MASP1: variants seen among roughly 807,000 people sequenced by gnomAD.
The protein encoded by MASP1 is mannan-binding lectin serine protease 1.
Under a neutral mutation model 77.1 loss-of-function variants are expected in MASP1, and 59 were observed. That is an observed-to-expected ratio of 0.77 (90% CI 0.62 to 0.95). MASP1 has a LOEUF of 0.95. Among genes scored for constraint, MASP1 ranks in the 40% least tolerant of loss-of-function variants. The pLI is 0.00. For missense variants in MASP1, 885 were observed against 912.9 expected, an observed-to-expected ratio of 0.97 and a Z score of 0.39; for synonymous variants, 362 against 354.5, an observed-to-expected ratio of 1.02 and a Z score of -0.24.
intron 1 of MASP1, among the ~76,000 whole-genome samples, chr3:187,290,324 G>C (rs1291690953): frequency 6.6e-6 from 1 of 152,122 alleles, no homozygotes; most frequent in East Asian, 1.9e-4. Context: ...AAAGAAGAAG[G>C]TTGCTCCAGG....
chr3:187,263,125 T>C (rs546303197), intron 2 of MASP1: 142 of 253,906 alleles, frequency 5.6e-4, no homozygotes, highest in African/African-American at 3.1e-3. Context: ...GTATCCAGTG[T>C]GTGCCTACTG....
exon 16 of MASP1, chr3:187,218,596 T>C (rs1160983158): frequency 2.0e-5 from 3 of 152,254 alleles, no homozygotes; most frequent in Admixed American, 6.6e-5. Context: ...TTAATATATA[T>C]ATATATATGT....
chr3:187,291,341 A>G (rs1718312799), intron 1 of MASP1: 2 of 531,136 alleles, frequency 3.8e-6, no homozygotes, highest in African/African-American at 3.8e-5. Context: ...ATTCGCCAGC[A>G]GGCAGCACCC....
At chr3:187,221,153 A>G in intron 14 of MASP1, 1 of 1,588,704 alleles carries the variant, frequency 6.3e-7, no homozygotes, top group Non-Finnish European at 8.6e-7. Flanking sequence ...CAAAGCTGTT[A>G]TTGGTCCTCA....
At chr3:187,265,620 A>G (rs1164779428) in intron 2 of MASP1, among the ~76,000 whole-genome samples, 1 of 152,122 alleles carries the variant, frequency 6.6e-6, no homozygotes, top group Non-Finnish European at 1.5e-5. Flanking sequence ...GCTGGGCGGG[A>G]CCTTTAAGAG....
At chr3:187,226,317 G>A in intron 12 of MASP1, 3 of 942,908 alleles carry the variant, frequency 3.2e-6, no homozygotes, top group Non-Finnish European at 5.1e-6. Context: ...GTGAGCGAGT[G>A]AGTGAGCAGA....
chr3:187,235,692 C>T lies in MASP1; in HGVS notation c.2179G>A (p.Glu727Lys), dbSNP rs562091536. Residue 727 changes from glutamate to lysine, a missense_variant, in exon 11 of 11, where the codon GAA becomes AAA. Physicochemically the swap from Glu to Lys is moderately conservative, Grantham distance 56 (BLOSUM62 1). Transcript: ENST00000296280. ...CGAGGAAGTAAGTCAGCTCACCGTT[C>T]CACCTGGGGCTCCACAACACTTTGT... is the stretch of plus-strand genomic sequence containing the variant. The part of the protein sequence containing the change: ...LPQSVVEPQV[E>K]R 471 of 1,614,158 alleles carry T rather than the reference C, an allele frequency of 2.9e-4. 13 individuals carry two copies. The South Asian group carries it at 4.9e-3, about 17-fold the overall frequency.
intron 15 of MASP1, among the ~76,000 whole-genome samples, chr3:187,220,484 TCTTTTTTCTTTC>T (rs1316085583): frequency 4.1e-5 from 6 of 147,450 alleles, no homozygotes; most frequent in South Asian, 4.4e-4. Context: ...CTTTTCTTTT[TCTTTTTTCTTTC>T]TTTTTTTTTT....
chr3:187,249,505 G>T (rs1714381651), intron 8 of MASP1, among the ~76,000 whole-genome samples: 1 of 152,132 alleles, frequency 6.6e-6, no homozygotes, highest in South Asian at 2.1e-4. Context: ...GTCTTTCATT[G>T]AAATCACCTG....
intron 2 of MASP1, among the ~76,000 whole-genome samples, chr3:187,267,291 C>G (rs1342139982): frequency 1.3e-5 from 2 of 152,162 alleles, no homozygotes; most frequent in Non-Finnish European, 1.5e-5. Flanking sequence ...TCAATGTTCC[C>G]GAGCTATCTC....
chr3:187,220,026 T>C (rs772891955), exon 16 of MASP1: 2 of 1,601,990 alleles, frequency 1.2e-6, no homozygotes, highest in Admixed American at 3.3e-5. Flanking sequence ...CGTCCTCTGC[T>C]ACTGACTGCC....
downstream of MASP1, among the ~76,000 whole-genome samples, chr3:187,231,431 C>G (rs1463988470): frequency 6.6e-6 from 1 of 152,228 alleles, no homozygotes; most frequent in African/African-American, 2.4e-5. Flanking sequence ...ACACTCCTTT[C>G]CCACATTCTT....
intron 8 of MASP1, among the ~76,000 whole-genome samples, chr3:187,245,366 T>C (rs1362158916): frequency 6.6e-6 from 1 of 152,112 alleles, no homozygotes; most frequent in Non-Finnish European, 1.5e-5. Flanking sequence ...GGGTTGGCTT[T>C]AGTGTGGCTA....
chr3:187,251,405 C>T (rs907458456), intron 7 of MASP1: 5 of 529,086 alleles, frequency 9.5e-6, no homozygotes, highest in African/African-American at 8.5e-5. Context: ...CCAGCTCATG[C>T]TCTGATTAAA....
In MASP1 at chr3:187,291,718, T is replaced by C; in HGVS notation, c.-86A>G. On this transcript the variant is annotated 5_prime_UTR_variant, in exon 1 of 11. Transcript: ENST00000296280. ...GAGCTCGTGCCCGGTGTGGTGTCCG[T>C]GATGCCTTATCTTTGTTCTGAGGTC... is the stretch of plus-strand genomic sequence containing the variant. 1 of 1,518,980 alleles carries C rather than the reference T, an allele frequency of 6.6e-7. No homozygotes were observed. The highest frequency in any genetic ancestry group is 9.1e-7 in the Non-Finnish European group (1 of 1,093,366). The allele number at this position is 1,518,980 out of a possible 1,614,324, so 94.1% of individuals were successfully genotyped here.
At chr3:187,289,391 A>G (rs572924566) in intron 1 of MASP1, among the ~76,000 whole-genome samples, 6 of 152,306 alleles carry the variant, frequency 3.9e-5, no homozygotes, top group Admixed American at 3.9e-4. Context: ...GATGAAAAGG[A>G]TACCCCAAGA....
At position 187,280,449 on chromosome 3, in the gene MASP1, C is replaced by A. The variant is rs554590046; in HGVS notation, c.237+5376G>T. Among the ~76,000 whole-genome samples, 16 of 152,300 alleles carry A rather than the reference C, an allele frequency of 1.1e-4. No individual in the cohort carries two copies. The East Asian group carries it at 1.7e-3, about 17-fold the overall frequency. On this transcript the variant is annotated intron_variant, in intron 2 of 10. Coordinates refer to ENST00000296280, the MANE Select transcript of MASP1 (RefSeq NM_139125.4). ...CCATGAAATGAACTTGAAATTGGAA[C>A]GTGTAATCTGCTGTTCTCTTGTTGG...
rs543256005 is a variant in MASP1 at position 187,255,050 on chromosome 3, G to GAT, written c.744+1612_744+1613dup. 4.6e-5 allele frequency among the ~76,000 whole-genome samples: 7 copies of GAT among 152,174 alleles called. No individual in the cohort carries two copies. In the South Asian group the frequency reaches 1.5e-3, roughly 32 times the overall value. On this transcript the variant is annotated intron_variant, in intron 5 of 10. Transcript: ENST00000296280. ...ACCTTCACCCCTAGTGTTACTTTGT[G>GAT]ATGATGTTATGTTAAATGGCAAAAG...
downstream of MASP1, among the ~76,000 whole-genome samples, chr3:187,233,348 A>C (rs1214998882): frequency 1.3e-5 from 2 of 152,098 alleles, no homozygotes; most frequent in African/African-American, 2.4e-5. Flanking sequence ...CTCAATGCCC[A>C]CTGCTCTCAC....
Sources: allele counts gnomAD v4.1 joint callset (sites outside exome capture counted in the v4.1 genomes callset), GRCh38; gene constraint gnomAD v4.1.1; transcripts MANE v1.5; gene names NCBI Gene and HGNC (gene_info 2026-07-23, HGNC 2026-07-21).